CLSTN2: variants seen among roughly 807,000 people sequenced by gnomAD.
CLSTN2 encodes calsyntenin 2.
CLSTN2 carries 48 observed loss-of-function variants against 101.2 expected under a neutral mutation model. That is an observed-to-expected ratio of 0.47 (90% CI 0.38 to 0.60). CLSTN2 has a LOEUF of 0.60. CLSTN2 is among the 20% of genes least tolerant of loss of function. The pLI is 0.00. For synonymous variants in CLSTN2, 481 were observed against 463.6 expected (o/e 1.04, Z -0.48); for missense variants, 1,160 against 1,238.2 (o/e 0.94, Z 0.95).
At chr3:140,252,704 T>C (rs1259390540) in intron 2 of CLSTN2, among the ~76,000 whole-genome samples, 4 of 152,122 alleles carry the variant, frequency 2.6e-5, no homozygotes, top group Non-Finnish European at 5.9e-5. Context: ...CAGAGGATCA[T>C]AGGAAAAAGG....
intron 1 of CLSTN2, among the ~76,000 whole-genome samples, chr3:139,960,681 C>T (rs552125264): frequency 6.6e-6 from 1 of 152,264 alleles, no homozygotes; most frequent in South Asian, 2.1e-4. Flanking sequence ...CGTGCTGCAC[C>T]ATGGAGATAG....
At chr3:140,410,885 T>A (rs1053245130) in intron 4 of CLSTN2, among the ~76,000 whole-genome samples, 9 of 152,174 alleles carry the variant, frequency 5.9e-5, no homozygotes, top group African/African-American at 2.2e-4. Context: ...CCATAATATG[T>A]TTTATAATAT....
At chr3:140,509,636 T>C (rs7614244) in intron 8 of CLSTN2, among the ~76,000 whole-genome samples, 27,861 of 147,986 alleles carry the variant, frequency 0.19, 3,073 homozygotes, top group African/African-American at 0.32. Context: ...AACATTTCCC[T>C]GAGTAATAGT....
At chr3:140,147,360 C>A (rs747216538) in intron 1 of CLSTN2, among the ~76,000 whole-genome samples, 2 of 152,176 alleles carry the variant, frequency 1.3e-5, no homozygotes, top group Non-Finnish European at 2.9e-5. Flanking sequence ...GCCTTGCTTT[C>A]GGGAATGTCA....
intron 8 of CLSTN2, among the ~76,000 whole-genome samples, chr3:140,513,296 T>C (rs975560153): frequency 6.6e-6 from 1 of 152,212 alleles, no homozygotes; most frequent in Non-Finnish European, 1.5e-5. Context: ...ATACCTAGTT[T>C]ATTGAGAGTT....
chr3:140,222,970 C>T (rs952431753), intron 2 of CLSTN2, among the ~76,000 whole-genome samples: 3 of 151,852 alleles, frequency 2.0e-5, no homozygotes, highest in Non-Finnish European at 4.4e-5. Flanking sequence ...TAAATGTCCT[C>T]ATTTTTATCC....
Position 140,567,487 on chromosome 3 carries a change from A to T in CLSTN2, c.*1234A>T, listed in dbSNP as rs1402534277. ...GAGGGCAAATATATCTGAAAACCTA[A>T]TTTCTTTCTTTTTTTGATAAGGAAA... On this transcript the variant is annotated 3_prime_UTR_variant, in exon 17 of 17. Transcript: ENST00000458420. 6.6e-6 allele frequency: 1 copy of T among 152,166 alleles called. No homozygotes were observed. Among genetic ancestry groups the T allele is most frequent in the Non-Finnish European group, 1.5e-5 (1 of 68,034 alleles). The allele number at this position is 152,166 out of a possible 1,614,324, so 9.4% of individuals were successfully genotyped here. A position where few individuals can be genotyped will look rare whatever the true frequency, so the allele number is the denominator to read the frequency against.
intron 10 of CLSTN2, among the ~76,000 whole-genome samples, chr3:140,554,420 G>T (rs2107790330): frequency 6.6e-6 from 1 of 152,284 alleles, no homozygotes; most frequent in South Asian, 2.1e-4. Context: ...GATATACTCA[G>T]ATCCTCATAC....
At chr3:140,499,873 G>A (rs1934539379) in intron 8 of CLSTN2, among the ~76,000 whole-genome samples, 1 of 152,068 alleles carries the variant, frequency 6.6e-6, no homozygotes, top group African/African-American at 2.4e-5. Flanking sequence ...GACCATCCTG[G>A]CTAACACGGT....
At chr3:140,001,126 C>T (rs1451467061) in intron 1 of CLSTN2, among the ~76,000 whole-genome samples, 1 of 152,178 alleles carries the variant, frequency 6.6e-6, no homozygotes, top group African/African-American at 2.4e-5. Flanking sequence ...ACCAAGAATA[C>T]TACTTACTCA....
intron 1 of CLSTN2, among the ~76,000 whole-genome samples, chr3:139,982,718 G>C (rs756017121): frequency 1.4e-4 from 22 of 152,220 alleles, no homozygotes; most frequent in Non-Finnish European, 2.9e-4. Context: ...ATCAGCCCTT[G>C]TTGCAGCCTA....
chr3:139,951,050 A>G (rs1413305600), intron 1 of CLSTN2, among the ~76,000 whole-genome samples: 1 of 152,230 alleles, frequency 6.6e-6, no homozygotes, highest in Non-Finnish European at 1.5e-5. Flanking sequence ...GTATTCCTGG[A>G]AAGCTCAGGG....
intron 1 of CLSTN2, among the ~76,000 whole-genome samples, chr3:140,074,457 C>T (rs2107778113): frequency 6.6e-6 from 1 of 152,256 alleles, no homozygotes; most frequent in East Asian, 1.9e-4. Context: ...GACTGCCGAG[C>T]AGATGGAGAG....
chr3:140,494,655 C>G (rs921099636), intron 8 of CLSTN2, among the ~76,000 whole-genome samples: 1 of 152,126 alleles, frequency 6.6e-6, no homozygotes, highest in Admixed American at 6.5e-5. Flanking sequence ...TGTTGTGCCC[C>G]CTAATGTGTT....
chr3:140,451,319 C>T (rs1459139879), intron 6 of CLSTN2, among the ~76,000 whole-genome samples: 1 of 152,202 alleles, frequency 6.6e-6, no homozygotes, highest in African/African-American at 2.4e-5. Flanking sequence ...AATTGCATCT[C>T]ATATGTTAAC....
chr3:140,525,127 A>G (rs1429842792), intron 8 of CLSTN2, among the ~76,000 whole-genome samples: 1 of 152,228 alleles, frequency 6.6e-6, no homozygotes, highest in Non-Finnish European at 1.5e-5. Context: ...ATTAGACCCA[A>G]AAGTCCATAC....
chr3:140,209,895 G>A (rs1036601686), intron 2 of CLSTN2, among the ~76,000 whole-genome samples: 12 of 152,116 alleles, frequency 7.9e-5, no homozygotes, highest in African/African-American at 2.4e-4. Context: ...AGATTTCAAG[G>A]ACTTTTCTAA....
chr3:140,236,859 GTGTGTA>G (rs779427108), intron 2 of CLSTN2, among the ~76,000 whole-genome samples: 3,050 of 112,766 alleles, frequency 0.027, 37 homozygotes, highest in Middle Eastern at 0.035. Context: ...GTGTGTGTGT[GTGTGTA>G]TATAAATTTC....
At chr3:140,287,645 A>G (rs2086907827) in intron 2 of CLSTN2, among the ~76,000 whole-genome samples, 1 of 152,202 alleles carries the variant, frequency 6.6e-6, no homozygotes, top group Non-Finnish European at 1.5e-5. Flanking sequence ...TTTCCTAAGG[A>G]AAATGGAATA....
Sources: gnomAD v4.1 joint callset for allele counts (sites outside exome capture counted in the v4.1 genomes callset) on GRCh38, gnomAD v4.1.1 for gene constraint, MANE v1.5 for transcripts, NCBI Gene and HGNC (gene_info 2026-07-23, HGNC 2026-07-21) for gene names.